The following ZNF496 variants were observed in gnomAD, a reference collection of about 807,000 sequenced individuals.
ZNF496 encodes NSD1 (nuclear receptor binding SET-domain containing 1)-interacting zinc finger protein 1.
A neutral mutation model predicts 58.9 loss-of-function variants in ZNF496; 11 were observed. The observed-to-expected ratio is 0.19, with a 90% CI of 0.12 to 0.31. The LOEUF is 0.31. ZNF496 is among the 10% of genes least tolerant of loss of function. ZNF496 has a pLI of 1.00. For synonymous variants in ZNF496, 338 were observed against 318.2 expected (o/e 1.06, Z -0.66); for missense variants, 660 against 783.0 (o/e 0.84, Z 1.88).
rs114313307 is a variant in ZNF496, at chr1:247,314,700, G to C, written c.652-4244C>G. 3.7e-3 allele frequency among the ~76,000 whole-genome samples: 557 copies of C among 152,264 alleles called. 2 individuals are homozygous for C. Among genetic ancestry groups the C allele is most frequent in the Non-Finnish European group, 5.5e-3 (377 of 68,032 alleles). ...AGTTACTGTCAGATGGTTTCCCCGG[G>C]TGTTGGGGCCAGGCACCCAGGACAC... is the stretch of plus-strand genomic sequence containing the variant. On this transcript the variant is annotated intron_variant, in intron 6 of 9. Coordinates refer to ENST00000682384, the MANE Select transcript of ZNF496 (RefSeq NM_032752.3).
chr1:247,319,449 T>C (rs1301243516), intron 6 of ZNF496, among the ~76,000 whole-genome samples: 4 of 152,172 alleles, frequency 2.6e-5, no homozygotes, highest in African/African-American at 9.7e-5. Context: ...GAATTCTACA[T>C]GTTCAAGTAA....
intron 6 of ZNF496, chr1:247,322,925 T>A: frequency 1.3e-6 from 1 of 787,968 alleles, no homozygotes. Context: ...GCACAAAGCT[T>A]CCTGAAGGTG....
chr1:247,307,719 C>T, intron 9 of ZNF496: 1 of 985,380 alleles, frequency 1.0e-6, no homozygotes, highest in African/African-American at 1.7e-5. Context: ...TCAAAAGCAT[C>T]ACAGGTAGAA....
rs1659201889 is a variant in ZNF496, at chr1:247,300,517, G to A, written c.*2C>T. On this transcript the variant is annotated 3_prime_UTR_variant, in exon 10 of 10. Coordinates refer to ENST00000682384, the MANE Select transcript of ZNF496 (RefSeq NM_032752.3). The surrounding 1 kb of genome is among the most constrained non-coding windows in gnomAD (Gnocchi z 5.7). The stretch of plus-strand genomic sequence containing the variant: ...GGGTGAGGCCGCCCCAGGCGGAGAG[G>A]CTCAGTAGGAGTTCAGAGCCTGCTT... 1.2e-6 allele frequency: 2 copies of A among 1,600,746 alleles called. No homozygotes were observed. Among genetic ancestry groups the A allele is most frequent in the African/African-American group, 2.7e-5 (2 of 74,782 alleles).
chr1:247,326,975 T>C (rs1280844455), intron 5 of ZNF496, among the ~76,000 whole-genome samples: 1 of 152,064 alleles, frequency 6.6e-6, no homozygotes, highest in Non-Finnish European at 1.5e-5. Flanking sequence ...GCACAAAGCT[T>C]GTTGTCAGCT....
chr1:247,323,177 C>T lies in ZNF496; in HGVS notation c.628G>A (p.Val210Met), dbSNP rs1660015403. 6.2e-7 allele frequency: 1 copy of T among 1,614,070 alleles called. No homozygotes were observed. The highest frequency in any genetic ancestry group is 1.3e-5 in the African/African-American group (1 of 75,044). Residue 210 changes from valine (V) to methionine (M), a missense_variant, in exon 6 of 10, where the codon GTG becomes ATG. By Grantham distance (21) the Val-to-Met change is conservative (BLOSUM62 1). Transcript: ENST00000682384. ...ACCGGGGGTAGCTGGAGGGTGGTCA[C>T]CTGCTGTGTGTCCCGCACATTCTCT... ...QEENVRDTQQ[V>M]TTLQLPPSRV...
chr1:247,316,173 C>T (rs1023886821), intron 6 of ZNF496, among the ~76,000 whole-genome samples: 2 of 70,222 alleles, frequency 2.8e-5, no homozygotes, highest in African/African-American at 3.9e-5. Context: ...TGTGTGTGTG[C>T]ACGACTTCCT....
rs1311808151 is a variant in ZNF496, at chr1:247,308,626, G to A, written c.893-38C>T. ...GGAAATGGAAAAATTGATTTGTTTT[G>A]CACCTACAGCACTACCTGGGAGGGT... On this transcript the variant is annotated intron_variant, in intron 8 of 9. Coordinates refer to ENST00000682384, the MANE Select transcript of ZNF496 (RefSeq NM_032752.3). The surrounding 1 kb of genome is among the most constrained non-coding windows in gnomAD (Gnocchi z 4.5). The A allele has an allele frequency of 6.4e-7, 1 of 1,566,278 alleles. No individual in the cohort carries two copies. Among genetic ancestry groups the A allele is most frequent in the Admixed American group, 1.7e-5 (1 of 59,874 alleles).
chr1:247,316,460 T>C (rs929692625), intron 6 of ZNF496, among the ~76,000 whole-genome samples: 2 of 151,858 alleles, frequency 1.3e-5, no homozygotes, highest in African/African-American at 2.4e-5. Context: ...GGAGTGGAAC[T>C]GGTGGCTTTG....
intron 5 of ZNF496, among the ~76,000 whole-genome samples, chr1:247,325,269 G>A (rs1188001238): frequency 6.6e-6 from 1 of 152,216 alleles, no homozygotes; most frequent in African/African-American, 2.4e-5. Context: ...TGTGTCTGAA[G>A]GGGAAGCTCA....
In ZNF496 at chr1:247,329,149, C is replaced by T; in HGVS notation, c.390+40G>A. 6.2e-7 allele frequency: 1 copy of T among 1,612,832 alleles called. No homozygotes were observed. The highest frequency in any genetic ancestry group is 8.5e-7 in the Non-Finnish European group (1 of 1,179,908). On this transcript the variant is annotated intron_variant, in intron 4 of 9. Transcript: ENST00000682384. The surrounding 1 kb of genome is among the most constrained non-coding windows in gnomAD (Gnocchi z 5.5). ...ATGGCCCAGCCAAAGTGTCTAAGTA[C>T]CAGATCTCTACCCGTCCCAGCCCCA...
chr1:247,303,114 T>C (rs1431966451), intron 9 of ZNF496, among the ~76,000 whole-genome samples: 1 of 152,126 alleles, frequency 6.6e-6, no homozygotes, highest in Non-Finnish European at 1.5e-5. Flanking sequence ...CAAGAAGTAA[T>C]TAAGTCAAAA....
At position 247,329,386 on chromosome 1, in the gene ZNF496, C is replaced by A. The variant is rs375121652; in HGVS notation, c.193G>T (p.Asp65Tyr). ...GPREALQRLW[D>Y]LCGGWLRPER... ...GGCCGCAGCCAGCCCCCGCACAGGTCCCAGAGGCGCTGCAGGGCCTCCCGG... is the reference window on the plus strand; with the variant it reads ...GGCCGCAGCCAGCCCCCGCACAGGTACCAGAGGCGCTGCAGGGCCTCCCGG... Residue 65 changes from aspartate to tyrosine, a missense_variant, in exon 4 of 10, where the codon GAC (aspartate) becomes TAC (tyrosine). Coordinates refer to ENST00000682384, the MANE Select transcript of ZNF496 (RefSeq NM_032752.3). This position sits in a 1 kb window ranked among gnomAD's most constrained non-coding sequence, Gnocchi z 5.5. 2 of 1,613,426 alleles carry A rather than the reference C, an allele frequency of 1.2e-6. No homozygotes were observed. Among genetic ancestry groups the A allele is most frequent in the Non-Finnish European group, 8.5e-7 (1 of 1,179,898 alleles).
intron 9 of ZNF496, among the ~76,000 whole-genome samples, chr1:247,302,109 C>T (rs1267213873): frequency 6.6e-6 from 1 of 152,180 alleles, no homozygotes; most frequent in Non-Finnish European, 1.5e-5. Context: ...GCCCACCATA[C>T]AGGTGGCCTG....
At chr1:247,326,069 TAC>T (rs386370384) in intron 5 of ZNF496, among the ~76,000 whole-genome samples, 3 of 146,544 alleles carry the variant, frequency 2.0e-5, no homozygotes, top group African/African-American at 5.1e-5. Flanking sequence ...CACACATATA[TAC>T]ACACACACAC....
chr1:247,301,395 C>A, intron 9 of ZNF496, 119 bp from the exon 10 acceptor site: 3 of 1,353,086 alleles, frequency 2.2e-6, no homozygotes, highest in East Asian at 2.4e-5. Flanking sequence ...CAATGGTCCT[C>A]GGTGACCGGG....
intron 6 of ZNF496, among the ~76,000 whole-genome samples, chr1:247,318,801 A>G (rs548900977): frequency 1.3e-5 from 2 of 152,366 alleles, no homozygotes; most frequent in South Asian, 4.1e-4. Context: ...AGTAAGCCAC[A>G]ATATGGGTAA....
rs1467038689 is a variant in ZNF496 at position 247,299,612 on chromosome 1, A to G, written c.*907T>C. ...GCTCACCCAGACAGGAGAACCCCTC[A>G]CTGGGGGCAGAGCTCCACATTCCTA... On this transcript the variant is annotated 3_prime_UTR_variant, in exon 10 of 10. Transcript: ENST00000682384. 1 of 152,232 alleles carries G rather than the reference A, an allele frequency of 6.6e-6. No individual in the cohort carries two copies. The highest frequency in any genetic ancestry group is 1.5e-5 in the Non-Finnish European group (1 of 68,066). The allele number at this position is 152,232 out of a possible 1,614,324, so 9.4% of individuals were successfully genotyped here.
rs552868312 is a variant in ZNF496, at chr1:247,301,407, C to T, written c.1007-131G>A. On this transcript the variant is annotated intron_variant, in intron 9 of 9. Transcript: ENST00000682384. The stretch of plus-strand genomic sequence containing the variant: ...TTACAATGGTCCTCGGTGACCGGGG[C>T]GGCCTGGCCAGCCCTGCAGGGGCCA... 1.2e-5 allele frequency: 15 copies of T among 1,223,822 alleles called. No individual in the cohort carries two copies. The African/African-American group carries it at 1.5e-4, about 12-fold the overall frequency. 75.8% of individuals were successfully genotyped at this position (1,223,822 alleles called of 1,614,324 possible). A position where few individuals can be genotyped will look rare whatever the true frequency, so the allele number is the denominator to read the frequency against.
Sources: allele counts gnomAD v4.1 joint callset (sites outside exome capture counted in the v4.1 genomes callset), GRCh38; gene constraint gnomAD v4.1.1; non-coding constraint Gnocchi (gnomAD v3.1); transcripts MANE v1.5; gene names NCBI Gene and HGNC (gene_info 2026-07-23, HGNC 2026-07-21).